PLCD3: variants seen among roughly 807,000 people sequenced by gnomAD.
The protein encoded by PLCD3 is 1-phosphatidylinositol 4,5-bisphosphate phosphodiesterase delta-3.
Under a neutral mutation model 82.8 loss-of-function variants are expected in PLCD3, and 62 were observed. The observed-to-expected ratio is 0.75, with a 90% CI of 0.61 to 0.93. The LOEUF is 0.93. PLCD3 is among the 40% of genes least tolerant of loss of function. The pLI is 0.00. For synonymous variants in PLCD3, 478 were observed against 471.8 expected (o/e 1.01, Z -0.17); for missense variants, 1,023 against 1,103.4 (o/e 0.93, Z 1.03).
At chr17:45,113,749 G>A in intron 11 of PLCD3, 144 bp from the exon 12 acceptor site, 2 of 1,079,644 alleles carry the variant, frequency 1.9e-6, no homozygotes, top group East Asian at 2.6e-5. Context: ...TGACTTTAGG[G>A]GAGGGGGTCA....
rs1055580959 is a variant in PLCD3, at chr17:45,110,826, C to T, written c.*1790G>A. The T allele has an allele frequency of 6.6e-6, 1 of 152,270 alleles. No homozygotes were observed. Among genetic ancestry groups the T allele is most frequent in the African/African-American group, 2.4e-5 (1 of 41,466 alleles). 9.4% of individuals were successfully genotyped at this position (152,270 alleles called of 1,614,324 possible). A position where few individuals can be genotyped will look rare whatever the true frequency, so the allele number is the denominator to read the frequency against. ...CTGGGCCCTTTTGATTCTGATTATC[C>T]TCTTTCAGACACACAAATTAACCAG... On this transcript the variant is annotated 3_prime_UTR_variant, in exon 15 of 15. Transcript: ENST00000619929.
chr17:45,123,080 C>T (rs891766607), intron 1 of PLCD3, among the ~76,000 whole-genome samples: 4 of 152,202 alleles, frequency 2.6e-5, no homozygotes, highest in Non-Finnish European at 5.9e-5. Flanking sequence ...CCCTTTATTT[C>T]GACAAGCCCC....
In PLCD3 at chr17:45,121,005, CCA is replaced by C. The variant is rs1326673047; in HGVS notation, c.449_450del (p.Leu150ArgfsTer8). ...TIAFKGRRKNLDLAAPTAEEA... is the reference protein window; with the variant it reads ...TIAFKGRRKNXDLAAPTAEEA... ...TCCTCAGCCGTGGGCGCCGCCAGGT[CCA>C]GGTTCTTGCGGCGGCCCTTGAAGGC... is the stretch of plus-strand genomic sequence containing the variant. On this transcript the variant is annotated frameshift_variant, in exon 3 of 15. Coordinates refer to ENST00000619929, the MANE Select transcript of PLCD3 (RefSeq NM_133373.5). LOFTEE classifies it high-confidence loss of function. 12 of 1,540,330 alleles carry C rather than the reference CCA, an allele frequency of 7.8e-6. No individual in the cohort carries two copies. The highest frequency in any genetic ancestry group is 1.0e-5 in the Non-Finnish European group (12 of 1,150,572).
intron 8 of PLCD3, 87 bp from the exon 9 acceptor site, chr17:45,115,577 G>A: frequency 8.0e-7 from 1 of 1,250,628 alleles, no homozygotes; most frequent in Non-Finnish European, 1.1e-6. Context: ...ACCGCCTTGT[G>A]AGGGGCTGGC....
At chr17:45,128,337 G>T (rs1372277417) in intron 1 of PLCD3, among the ~76,000 whole-genome samples, 1 of 152,212 alleles carries the variant, frequency 6.6e-6, no homozygotes, top group African/African-American at 2.4e-5. Flanking sequence ...TCAGGGTAGG[G>T]GACAGGGAAA....
chr17:45,129,987 G>A (rs1022882911), intron 1 of PLCD3, among the ~76,000 whole-genome samples: 6 of 152,280 alleles, frequency 3.9e-5, no homozygotes, highest in South Asian at 2.1e-4. Flanking sequence ...AGAGCGAGGC[G>A]GGGGAGGCTA....
Position 45,118,133 on chromosome 17 carries a change from A to G in PLCD3, c.1121T>C (p.Phe374Ser). ...CTCCACGCAGCGGCATCCCTGGGCA[A>G]AGGCCCTGTGTGTGGACAGATGGGT... ...PSSTEAYVRA[F>S]AQGCRCVELD... Residue 374 changes from phenylalanine to serine, a missense_variant, in exon 7 of 15, where the codon TTT becomes TCT. Physicochemically the swap from Phe to Ser is radical, Grantham distance 155. Around this residue, in one of 3 missense-constraint regions of PLCD3, gnomAD observed 553 missense variants for 655.7 expected, o/e 0.84. Transcript: ENST00000619929. The surrounding 1 kb of genome is among the most constrained non-coding windows in gnomAD (Gnocchi z 4.1). The G allele has an allele frequency of 6.2e-7, 1 of 1,613,936 alleles. No homozygotes were observed. Among genetic ancestry groups the G allele is most frequent in the Non-Finnish European group, 8.5e-7 (1 of 1,179,838 alleles).
In PLCD3 at chr17:45,120,992, G is replaced by A. The variant is rs1274943291; in HGVS notation, c.464C>T (p.Pro155Leu). ...CCAGCGCTGCGCTTCCTCAGCCGTG[G>A]GCGCCGCCAGGTCCAGGTTCTTGCG... The part of the protein sequence containing the change: ...GRRKNLDLAA[P>L]TAEEAQRWVR... The change falls in exon 3 of 15, where the codon CCC becomes CTC. Residue 155 changes from proline (P) to leucine (L), a missense_variant. Around this residue, in one of 3 missense-constraint regions of PLCD3, gnomAD observed 448 missense variants for 406.3 expected, o/e 1.10. Coordinates refer to ENST00000619929, the MANE Select transcript of PLCD3 (RefSeq NM_133373.5). The A allele has an allele frequency of 6.5e-7, 1 of 1,533,386 alleles. No individual in the cohort carries two copies. The highest frequency in any genetic ancestry group is 8.7e-7 in the Non-Finnish European group (1 of 1,147,116). The allele number at this position is 1,533,386 out of a possible 1,614,324, so 95.0% of individuals were successfully genotyped here.
In PLCD3 at chr17:45,114,347, G is replaced by A. The variant is rs2054272558; in HGVS notation, c.1731C>T (p.His577=). The A allele has an allele frequency of 6.5e-7, 1 of 1,548,930 alleles. No individual in the cohort carries two copies. The highest frequency in any genetic ancestry group is 2.0e-5 in the Admixed American group (1 of 50,524). The part of the protein sequence containing the change: ...IREAGNSFVR[H]NARQLTRVYP... The stretch of plus-strand genomic sequence containing the variant: ...ACACGCGGGTCAGCTGGCGGGCATT[G>A]TGCCTGACAAAGCTGTTCCCTGGGG... Residue 577 remains histidine, a synonymous_variant, in exon 11 of 15, where the codon CAC becomes CAT. Coordinates refer to ENST00000619929, the MANE Select transcript of PLCD3 (RefSeq NM_133373.5).
At chr17:45,116,541 G>T in intron 8 of PLCD3, 91 bp downstream of exon 8, 2 of 1,345,948 alleles carry the variant, frequency 1.5e-6, no homozygotes, top group Non-Finnish European at 2.0e-6. Context: ...GAGGTGAGGG[G>T]TCCTGAGCCA....
intron 1 of PLCD3, among the ~76,000 whole-genome samples, chr17:45,124,092 G>A (rs897443084): frequency 2.0e-5 from 3 of 152,180 alleles, no homozygotes; most frequent in African/African-American, 4.8e-5. Context: ...TGGGAAGGGG[G>A]ACTGCTCATT....
chr17:45,113,657 T>C lies in PLCD3; in HGVS notation c.1829-52A>G. Reference sequence around the variant, plus strand: ...GGGCTCTTAGCGGCCCTGTTCTCACTACTCAGTTTCAGGGGACTGCATTCC... The same window carrying C: ...GGGCTCTTAGCGGCCCTGTTCTCACCACTCAGTTTCAGGGGACTGCATTCC... On this transcript the variant is annotated intron_variant, in intron 11 of 14. Transcript: ENST00000619929. The C allele has an allele frequency of 2.6e-6, 4 of 1,537,370 alleles. 1 individual carries two copies. In the South Asian group the frequency reaches 4.9e-5, roughly 19 times the overall value.
chr17:45,112,670 C>T lies in PLCD3; in HGVS notation c.2316G>A (p.Gly772=), dbSNP rs762934831. Residue 772 remains glycine (G), a synonymous_variant, in exon 15 of 15, where the codon GGG becomes GGA. Coordinates refer to ENST00000619929, the MANE Select transcript of PLCD3 (RefSeq NM_133373.5). The part of the protein sequence containing the change: ...YRHIHLLSKD[G]ASLSPATLFI... The stretch of plus-strand genomic sequence containing the variant: ...AGAGCGTGGCTGGTGACAGTGAGGC[C>T]CCGTCCTTGGAAAGCAGGTGTATGT... 6.2e-6 allele frequency: 10 copies of T among 1,606,786 alleles called. No individual in the cohort carries two copies. The highest frequency in any genetic ancestry group is 8.5e-6 in the Non-Finnish European group (10 of 1,177,090).
At position 45,118,680 on chromosome 17, in the gene PLCD3, A is replaced by C; in HGVS notation, c.913+135T>G. ...AAGACAAACTGTTGTGCCATTTTAC[A>C]CATGTGGAAGCTGAGTCTGGAGGAG... On this transcript the variant is annotated intron_variant, in intron 5 of 14. Transcript: ENST00000619929. This position sits in a 1 kb window ranked among gnomAD's most constrained non-coding sequence, Gnocchi z 4.1. 1 of 1,128,024 alleles carries C rather than the reference A, an allele frequency of 8.9e-7. No homozygotes were observed. The highest frequency in any genetic ancestry group is 1.2e-6 in the Non-Finnish European group (1 of 804,632). 69.9% of individuals were successfully genotyped at this position (1,128,024 alleles called of 1,614,324 possible).
At chr17:45,119,726 A>T (rs1445057687) in intron 4 of PLCD3, among the ~76,000 whole-genome samples, 1 of 152,168 alleles carries the variant, frequency 6.6e-6, no homozygotes, top group Non-Finnish European at 1.5e-5. Flanking sequence ...GCATCATTGA[A>T]CAAGTCAATG....
intron 12 of PLCD3, 30 bp downstream of exon 12, chr17:45,113,409 C>A: frequency 6.3e-7 from 1 of 1,574,990 alleles, no homozygotes; most frequent in East Asian, 2.3e-5. Flanking sequence ...CAGTCTGACC[C>A]CACACTGGGG....
rs760451319 is a variant in PLCD3 at position 45,120,343 on chromosome 17, G to A, written c.666C>T (p.Tyr222=). The A allele has an allele frequency of 1.6e-5, 26 of 1,613,898 alleles. No individual in the cohort carries two copies. Among genetic ancestry groups the A allele is most frequent in the Admixed American group, 8.3e-5 (5 of 60,006 alleles). The change falls in exon 4 of 15, where the codon TAC becomes TAT. Residue 222 remains tyrosine (Y), a synonymous_variant. Coordinates refer to ENST00000619929, the MANE Select transcript of PLCD3 (RefSeq NM_133373.5). ...AGCCCACCTTGAAGAGGAGGTAGGC[G>A]TACATGTCGTTCATGTCCACGTTGA... ...RMVNVDMNDM[Y]AYLLFKECDH... is the part of the protein sequence containing the mutation.
At chr17:45,120,540 C>G (rs1277855161) in intron 3 of PLCD3, 86 bp from the exon 4 acceptor site, 1 of 1,568,012 alleles carries the variant, frequency 6.4e-7, no homozygotes, top group Non-Finnish European at 8.7e-7. Flanking sequence ...CCACCTGGGT[C>G]TGGGGGATCC....
At chr17:45,112,790 G>A (rs1281927039) in intron 14 of PLCD3, 73 bp downstream of exon 14, 113 of 1,595,954 alleles carry the variant, frequency 7.1e-5, no homozygotes, top group Middle Eastern at 4.9e-4. Flanking sequence ...CAGGAAATTC[G>A]AGGCACAAAG....
Sources: gnomAD v4.1 joint callset for allele counts (sites outside exome capture counted in the v4.1 genomes callset) on GRCh38, gnomAD v4.1.1 for gene constraint, gnomAD v4.1.1 regional missense constraint, Gnocchi (gnomAD v3.1) non-coding constraint, MANE v1.5 for transcripts, NCBI Gene and HGNC (gene_info 2026-07-23, HGNC 2026-07-21) for gene names.